Variants in PHACTR2 observed in about 807,000 individuals in gnomAD.
PHACTR2 encodes the protein phosphatase and actin regulator 2, also known as chromosome 6 open reading frame 56.
In PHACTR2, 30 loss-of-function variants were observed where a neutral mutation model predicts 76.0. The observed-to-expected ratio is 0.39, with a 90% confidence interval of 0.30 to 0.54. The LOEUF is 0.54. PHACTR2 is among the 20% of genes least tolerant of loss of function. The pLI is 0.61. For synonymous variants in PHACTR2, 292 were observed against 292.5 expected (o/e 1.00, Z 0.02); for missense variants, 696 against 781.1 (o/e 0.89, Z 1.30).
In PHACTR2 at chr6:143,556,261, T is replaced by C. The variant is rs2128428246; in HGVS notation, c.217+19054T>C. Among the ~76,000 whole-genome samples the C allele has an allele frequency of 6.6e-6, 1 of 152,360 alleles. No individual in the cohort carries two copies. Among genetic ancestry groups the C allele is most frequent in the East Asian group, 1.9e-4 (1 of 5,186 alleles). On this transcript the variant is annotated intron_variant, in intron 1 of 11. Coordinates refer to the PHACTR2 transcript ENST00000367584. The surrounding 1 kb of genome is among the most constrained non-coding windows in gnomAD (Gnocchi z 4.3). ...TTTCAGACTTTCTTCCTTAAATTCA[T>C]TTATTTATTTCAGGACATTAAGGTA...
intron 1 of PHACTR2, among the ~76,000 whole-genome samples, chr6:143,640,459 A>G (rs1191476966): frequency 4.6e-5 from 7 of 152,174 alleles, no homozygotes; most frequent in Admixed American, 6.5e-5. Context: ...GCAACTTGCT[A>G]TCTAGCTAGA....
chr6:143,772,880 G>A lies in PHACTR2; in HGVS notation c.1432+423G>A, dbSNP rs756528858. ...AATTTTCACTCGCTTTTGTACTGGG[G>A]TTTATAGAAAGGGGAAGGAGGAATG... On this transcript the variant is annotated intron_variant, in intron 7 of 12. Transcript: ENST00000440869. This position sits in a 1 kb window ranked among gnomAD's most constrained non-coding sequence, Gnocchi z 5.4. Among the ~76,000 whole-genome samples, 3 of 152,146 alleles carry A rather than the reference G, an allele frequency of 2.0e-5. No individual in the cohort carries two copies. The highest frequency in any genetic ancestry group is 7.2e-5 in the African/African-American group (3 of 41,420).
At chr6:143,693,939 T>G (rs1400071731) in intron 1 of PHACTR2, among the ~76,000 whole-genome samples, 2 of 152,062 alleles carry the variant, frequency 1.3e-5, no homozygotes, top group African/African-American at 4.8e-5. Context: ...TGTGGTGGTG[T>G]GCACCTCTAG....
chr6:143,812,003 G>A (rs1776184739), intron 12 of PHACTR2, among the ~76,000 whole-genome samples: 1 of 152,120 alleles, frequency 6.6e-6, no homozygotes. Flanking sequence ...TTATTAGCAT[G>A]AGACATTGTC....
chr6:143,756,569 G>A (rs1218133838), intron 4 of PHACTR2, among the ~76,000 whole-genome samples: 1 of 143,164 alleles, frequency 7.0e-6, no homozygotes, highest in African/African-American at 2.5e-5. Flanking sequence ...CGTGGTGGCG[G>A]GCGCCTGTAG....
At position 143,593,507 on chromosome 6, in the gene PHACTR2, G is replaced by A. The variant is rs143404881; in HGVS notation, c.217+56300G>A. ...TAACAGCACAGCAAGTTTATTTTGGGGTTAAAGATACATATTCTTTTCATA... is the reference window on the plus strand; with the variant it reads ...TAACAGCACAGCAAGTTTATTTTGGAGTTAAAGATACATATTCTTTTCATA... On this transcript the variant is annotated intron_variant, in intron 1 of 11. Transcript: ENST00000367584. Among the ~76,000 whole-genome samples the A allele has an allele frequency of 1.6e-3, 241 of 152,212 alleles. 1 individual carries two copies. Among genetic ancestry groups the A allele is most frequent in the African/African-American group, 5.4e-3 (226 of 41,532 alleles).
rs1776480873 is a variant in PHACTR2 at position 143,823,870 on chromosome 6, A to G, written c.*181A>G. 1 of 533,362 alleles carries G rather than the reference A, an allele frequency of 1.9e-6. No individual in the cohort carries two copies. The highest frequency in any genetic ancestry group is 2.6e-5 in the South Asian group (1 of 38,416). The allele number at this position is 533,362 out of a possible 1,614,324, so 33.0% of individuals were successfully genotyped here. On this transcript the variant is annotated 3_prime_UTR_variant, in exon 13 of 13. Coordinates refer to ENST00000440869, the MANE Select transcript of PHACTR2 (RefSeq NM_001100164.2). The surrounding 1 kb of genome is among the most constrained non-coding windows in gnomAD (Gnocchi z 5.7). ...TCACCTGTGTGGCCCAGATGGCTCCAACAAGCAAAAGGAAGGATGCAGTGA... is the reference window on the plus strand; with the variant it reads ...TCACCTGTGTGGCCCAGATGGCTCCGACAAGCAAAAGGAAGGATGCAGTGA...
intron 1 of PHACTR2, among the ~76,000 whole-genome samples, chr6:143,634,934 A>C (rs1049677089): frequency 1.3e-5 from 2 of 152,116 alleles, no homozygotes; most frequent in African/African-American, 2.4e-5. Context: ...TTTTTTTAGA[A>C]AGGAAAGACT....
rs1044085577 is a variant in PHACTR2 at position 143,761,088 on chromosome 6, A to G, written c.694+448A>G. Among the ~76,000 whole-genome samples the G allele has an allele frequency of 1.3e-5, 2 of 152,218 alleles. No individual in the cohort carries two copies. Among genetic ancestry groups the G allele is most frequent in the African/African-American group, 4.8e-5 (2 of 41,462 alleles). ...AACTTTGATATATTTACTGGATGTT[A>G]ATGTGTTAAATCCTCAGCATCCATA... On this transcript the variant is annotated intron_variant, in intron 5 of 12. Coordinates refer to ENST00000440869, the MANE Select transcript of PHACTR2 (RefSeq NM_001100164.2). The surrounding 1 kb of genome is among the most constrained non-coding windows in gnomAD (Gnocchi z 5.2).
intron 1 of PHACTR2, among the ~76,000 whole-genome samples, chr6:143,706,294 T>C (rs1449036868): frequency 6.6e-6 from 1 of 152,234 alleles, no homozygotes; most frequent in East Asian, 1.9e-4. Context: ...AACCAAGATC[T>C]GTGCGTTGGG....
intron 1 of PHACTR2, among the ~76,000 whole-genome samples, chr6:143,632,961 A>G (rs1776390871): frequency 6.6e-6 from 1 of 152,184 alleles, no homozygotes; most frequent in Non-Finnish European, 1.5e-5. Context: ...AGCACAGAAT[A>G]ATATTCCACT....
Position 143,724,348 on chromosome 6 carries a change from G to T in PHACTR2, c.214+12165G>T, listed in dbSNP as rs1778509991. Among the ~76,000 whole-genome samples the T allele has an allele frequency of 3.9e-5, 6 of 152,138 alleles. No homozygotes were observed. In the South Asian group the frequency reaches 1.2e-3, roughly 32 times the overall value. ...GGGGTTTCACTGTGTTAGCCAGGAT[G>T]GTCTCGATCTCCCGAACTCGTGATC... On this transcript the variant is annotated intron_variant, in intron 2 of 12. Coordinates refer to ENST00000440869, the MANE Select transcript of PHACTR2 (RefSeq NM_001100164.2).
intron 1 of PHACTR2, among the ~76,000 whole-genome samples, chr6:143,694,572 G>C (rs948752424): frequency 2.6e-5 from 4 of 152,150 alleles, no homozygotes; most frequent in African/African-American, 9.7e-5. Context: ...GGTTTTGCTG[G>C]CTCTGTATGC....
Position 143,671,757 on chromosome 6 carries a change from A to G in PHACTR2, c.14-40259A>G, listed in dbSNP as rs1431276088. On this transcript the variant is annotated intron_variant, in intron 1 of 11. Transcript: ENST00000305766. The surrounding 1 kb of genome is among the most constrained non-coding windows in gnomAD (Gnocchi z 4.6). ...GTTATTATTAATATAGAACTAGCAT[A>G]TATGTAACACAATATAGACCCAAAG... Among the ~76,000 whole-genome samples the G allele has an allele frequency of 1.3e-5, 2 of 152,234 alleles. No individual in the cohort carries two copies. The highest frequency in any genetic ancestry group is 4.1e-4 in the South Asian group (2 of 4,836).
intron 1 of PHACTR2, among the ~76,000 whole-genome samples, chr6:143,693,739 G>A (rs1208941536): frequency 2.0e-5 from 3 of 152,138 alleles, no homozygotes; most frequent in Non-Finnish European, 4.4e-5. Context: ...TATTACTTGA[G>A]TAAGAGGAGG....
At chr6:143,642,474 T>A (rs1159034563) in intron 1 of PHACTR2, among the ~76,000 whole-genome samples, 1 of 152,178 alleles carries the variant, frequency 6.6e-6, no homozygotes, top group Non-Finnish European at 1.5e-5. Context: ...TCAGATGTAG[T>A]GGTTTGGGCA....
In PHACTR2 at chr6:143,827,605, A is replaced by G. The variant is rs911739877; in HGVS notation, c.*3916A>G. On this transcript the variant is annotated 3_prime_UTR_variant, in exon 13 of 13. Coordinates refer to ENST00000440869, the MANE Select transcript of PHACTR2 (RefSeq NM_001100164.2). ...ATTGTTAAAGCATTCTTAAATTCCA[A>G]TTATATGAAGCCTATCATTACTAGG... 6 of 152,200 alleles carry G rather than the reference A, an allele frequency of 3.9e-5. No individual in the cohort carries two copies. Among genetic ancestry groups the G allele is most frequent in the East Asian group, 1.9e-4 (1 of 5,196 alleles). The allele number at this position is 152,200 out of a possible 1,614,324, so 9.4% of individuals were successfully genotyped here.
chr6:143,649,624 G>A (rs959760983), intron 1 of PHACTR2, among the ~76,000 whole-genome samples: 8 of 152,134 alleles, frequency 5.3e-5, no homozygotes, highest in South Asian at 2.1e-4. Context: ...TGCAGAAAAG[G>A]CCTTCAATAA....
In PHACTR2 at chr6:143,825,517, T is replaced by G. The variant is rs1332745224; in HGVS notation, c.*1828T>G. The G allele has an allele frequency of 1.3e-5, 2 of 152,212 alleles. No homozygotes were observed. Among genetic ancestry groups the G allele is most frequent in the Non-Finnish European group, 1.5e-5 (1 of 68,026 alleles). The allele number at this position is 152,212 out of a possible 1,614,324, so 9.4% of individuals were successfully genotyped here. A position where few individuals can be genotyped will look rare whatever the true frequency, so the allele number is the denominator to read the frequency against. On this transcript the variant is annotated 3_prime_UTR_variant, in exon 13 of 13. Transcript: ENST00000440869. This position sits in a 1 kb window ranked among gnomAD's most constrained non-coding sequence, Gnocchi z 4.1. ...CACTAATAGGATAAGACAAATTTTTTGCTTTGAAAAAATTTTTCTGCATGC... is the reference window on the plus strand; with the variant it reads ...CACTAATAGGATAAGACAAATTTTTGGCTTTGAAAAAATTTTTCTGCATGC...
Sources: allele counts gnomAD v4.1 joint callset (sites outside exome capture counted in the v4.1 genomes callset), GRCh38; gene constraint gnomAD v4.1.1; non-coding constraint Gnocchi (gnomAD v3.1); transcripts MANE v1.5; gene names NCBI Gene and HGNC (gene_info 2026-07-23, HGNC 2026-07-21).